FOXP2: variants seen among roughly 807,000 people sequenced by gnomAD.
FOXP2 encodes forkhead box P2.
FOXP2 carries 12 observed loss-of-function variants against 115.8 expected under a neutral mutation model. The observed-to-expected ratio is 0.10, with a 90% CI of 0.07 to 0.17. The LOEUF (loss-of-function observed/expected upper bound fraction) is 0.17, where lower values mean the gene tolerates loss of function less well. Ranked by LOEUF, FOXP2 falls within the 10% of genes least tolerant of loss-of-function variation. The pLI, the probability that FOXP2 is intolerant of heterozygous loss-of-function variation, is 1.00. For synonymous variants in FOXP2, 328 were observed against 297.7 expected, an observed-to-expected ratio of 1.10 and a Z score of -1.05; for missense variants, 629 against 843.5, an observed-to-expected ratio of 0.75 and a Z score of 3.15.
At chr7:114,317,656 C>A (rs1464701700) in intron 2 of FOXP2, among the ~76,000 whole-genome samples, 1 of 152,138 alleles carries the variant, frequency 6.6e-6, no homozygotes, top group Non-Finnish European at 1.5e-5. Flanking sequence ...TAAAGAGATT[C>A]TTTTAAAATT....
At chr7:114,147,570 T>C (rs1447382884) in intron 1 of FOXP2, among the ~76,000 whole-genome samples, 1 of 152,198 alleles carries the variant, frequency 6.6e-6, no homozygotes, top group African/African-American at 2.4e-5. Context: ...CTGTTGTGTC[T>C]GCCACAAGTC....
chr7:114,279,898 T>C (rs748849939), intron 1 of FOXP2, among the ~76,000 whole-genome samples: 104 of 152,112 alleles, frequency 6.8e-4, no homozygotes, highest in Non-Finnish European at 1.2e-3. Context: ...GAAGCACCTT[T>C]AAATATGATG....
At chr7:114,602,524 G>C (rs1192446183) in intron 3 of FOXP2, among the ~76,000 whole-genome samples, 1 of 151,896 alleles carries the variant, frequency 6.6e-6, no homozygotes, top group East Asian at 1.9e-4. Context: ...TCACAAGGAA[G>C]GAATATTTGC....
rs529273822 is a variant in FOXP2 at position 114,367,458 on chromosome 7, A to G, written c.-10-59044A>G. ...AGGAATCATTGTTGTGGCCCCTCCAATCAGACCCCCTTATTCTCAAGAGTA... is the reference window on the plus strand; with the variant it reads ...AGGAATCATTGTTGTGGCCCCTCCAGTCAGACCCCCTTATTCTCAAGAGTA... On this transcript the variant is annotated intron_variant, in intron 2 of 17. Transcript: ENST00000634411. Among the ~76,000 whole-genome samples the G allele has an allele frequency of 3.3e-5, 5 of 152,236 alleles. No individual in the cohort carries two copies. The South Asian group carries it at 6.2e-4, about 19-fold the overall frequency.
chr7:114,459,259 C>G (rs756384361), intron 2 of FOXP2, among the ~76,000 whole-genome samples: 1 of 152,122 alleles, frequency 6.6e-6, no homozygotes, highest in Admixed American at 6.5e-5. Flanking sequence ...GACTCCATCT[C>G]TTGTTGGAGG....
At chr7:114,141,054 T>C (rs1041213956) in intron 1 of FOXP2, among the ~76,000 whole-genome samples, 6 of 152,234 alleles carry the variant, frequency 3.9e-5, no homozygotes, top group Non-Finnish European at 8.8e-5. Flanking sequence ...TTAATTATGA[T>C]GGTGGGAGAG....
In FOXP2 at chr7:114,404,971, T is replaced by A. The variant is rs190665216; in HGVS notation, c.-10-21531T>A. Among the ~76,000 whole-genome samples, 637 of 152,118 alleles carry A rather than the reference T, an allele frequency of 4.2e-3. 8 individuals carry two copies. Among genetic ancestry groups the A allele is most frequent in the Non-Finnish European group, 3.5e-3 (238 of 67,882 alleles). On this transcript the variant is annotated intron_variant, in intron 2 of 17. Coordinates refer to the FOXP2 transcript ENST00000634411. ...AACTTAAAAGGTCCTTTTCTGTGTATCTCTGATTAGTTAGCGAAAGAACCA... is the reference window on the plus strand; with the variant it reads ...AACTTAAAAGGTCCTTTTCTGTGTAACTCTGATTAGTTAGCGAAAGAACCA...
rs568469084 is a variant in FOXP2 at position 114,596,627 on chromosome 7, T to C, written c.259-31913T>C. On this transcript the variant is annotated intron_variant, in intron 3 of 16. Transcript: ENST00000350908. ...TTCATCAGAAAGCAGTGACCAAAGG[T>C]GCACATGTATTTATAATAATTCTTT... 3.3e-5 allele frequency among the ~76,000 whole-genome samples: 5 copies of C among 152,220 alleles called. No individual in the cohort carries two copies. The South Asian group carries it at 1.0e-3, about 32-fold the overall frequency.
At chr7:114,121,106 A>T (rs545405002) in intron 1 of FOXP2, among the ~76,000 whole-genome samples, 1 of 152,226 alleles carries the variant, frequency 6.6e-6, no homozygotes, top group East Asian at 1.9e-4. Context: ...TATATGTTGA[A>T]ATATTAACCC....
At chr7:114,254,337 C>T (rs532314519) in intron 1 of FOXP2, among the ~76,000 whole-genome samples, 5 of 152,250 alleles carry the variant, frequency 3.3e-5, no homozygotes, top group Non-Finnish European at 5.9e-5. Context: ...TGAATGTTGG[C>T]CTGCCATGCT....
At chr7:114,301,367 G>T in intron 2 of FOXP2, among the ~76,000 whole-genome samples, 1 of 152,098 alleles carries the variant, frequency 6.6e-6, no homozygotes, top group East Asian at 1.9e-4. Context: ...TTTGGAGAAA[G>T]TCTTGAAAGA....
intron 3 of FOXP2, among the ~76,000 whole-genome samples, chr7:114,547,066 A>G (rs1388247226): frequency 6.6e-6 from 1 of 152,214 alleles, no homozygotes; most frequent in Non-Finnish European, 1.5e-5. Context: ...AGAAGCAGAT[A>G]TGAATATCAT....
rs144050527 is a variant in FOXP2 at position 114,201,206 on chromosome 7, C to T, written c.-102+38118C>T. On this transcript the variant is annotated intron_variant, in intron 1 of 17. Transcript: ENST00000634411. ...CCTAATTTGGCTGGGCATGCTGGCT[C>T]ACACCTGTAATCCCAACACTTTGGA... 4.0e-3 allele frequency among the ~76,000 whole-genome samples: 614 copies of T among 152,228 alleles called. 7 individuals are homozygous for T. Among genetic ancestry groups the T allele is most frequent in the African/African-American group, 0.013 (554 of 41,544 alleles).
rs1796827638 is a variant in FOXP2, at chr7:114,487,171, G to T, written c.169-47446G>T. On this transcript the variant is annotated intron_variant, in intron 2 of 16. Coordinates refer to ENST00000350908, the MANE Select transcript of FOXP2 (RefSeq NM_014491.4). Reference sequence around the variant, plus strand: ...ATTTGCGTACATCCTCTGAAATCTAGGCAGAGGTTCCCAAATCTAAATTCT... The same window carrying T: ...ATTTGCGTACATCCTCTGAAATCTATGCAGAGGTTCCCAAATCTAAATTCT... Among the ~76,000 whole-genome samples, 3 of 152,122 alleles carry T rather than the reference G, an allele frequency of 2.0e-5. No individual in the cohort carries two copies. The South Asian group carries it at 6.2e-4, about 32-fold the overall frequency.
At chr7:114,658,411 C>CGAATAGGGG in intron 11 of FOXP2, 144 bp downstream of exon 11, 1 of 848,488 alleles carries the variant, frequency 1.2e-6, no homozygotes, top group Non-Finnish European at 1.9e-6. Context: ...CTGGTAAATG[C>CGAATAGGGG]GAATAGGGGC....
chr7:114,408,181 A>T (rs1184782564), intron 2 of FOXP2, among the ~76,000 whole-genome samples: 2 of 152,140 alleles, frequency 1.3e-5, no homozygotes, highest in African/African-American at 4.8e-5. Flanking sequence ...AGTTTTTGTC[A>T]TAAAAAGACA....
chr7:114,118,744 G>A (rs527850210), intron 1 of FOXP2, among the ~76,000 whole-genome samples: 1 of 152,178 alleles, frequency 6.6e-6, no homozygotes, highest in South Asian at 2.1e-4. Flanking sequence ...CTGATCCTTA[G>A]AGTGTGGAAG....
intron 3 of FOXP2, chr7:114,538,404 A>C: frequency 7.8e-7 from 1 of 1,280,830 alleles, no homozygotes; most frequent in South Asian, 1.2e-5. Context: ...TTGCTTTGCT[A>C]TCTTAGATGA....
intron 1 of FOXP2, among the ~76,000 whole-genome samples, chr7:114,101,959 A>G (rs1790979451): frequency 6.7e-6 from 1 of 149,632 alleles, no homozygotes; most frequent in South Asian, 2.1e-4. Flanking sequence ...CAAAAGCAGG[A>G]TTCAAGTTCT....
Sources: gnomAD v4.1 joint callset for allele counts (sites outside exome capture counted in the v4.1 genomes callset) on GRCh38, gnomAD v4.1.1 for gene constraint, MANE v1.5 for transcripts, NCBI Gene and HGNC (gene_info 2026-07-23, HGNC 2026-07-21) for gene names.